Variants in ARHGAP12 observed in about 807,000 individuals in gnomAD.
The protein encoded by ARHGAP12 is Rho GTPase activating protein 12, also known as rho GTPase-activating protein 12.
Under a neutral mutation model 108.6 loss-of-function variants are expected in ARHGAP12, and 64 were observed. That is an observed-to-expected ratio of 0.59 (90% CI 0.48 to 0.73). The LOEUF (loss-of-function observed/expected upper bound fraction) is 0.73, where lower values mean the gene tolerates loss of function less well. Ranked by LOEUF, ARHGAP12 falls within the 30% of genes least tolerant of loss-of-function variation. ARHGAP12 has a pLI of 0.00. For missense variants in ARHGAP12, 940 were observed against 1,005.9 expected (o/e 0.93, Z 0.89); for synonymous variants, 312 against 337.2 (o/e 0.93, Z 0.82).
At chr10:31,915,707 TAC>T (rs1171400475) in intron 1 of ARHGAP12, among the ~76,000 whole-genome samples, 3 of 152,106 alleles carry the variant, frequency 2.0e-5, no homozygotes, top group Non-Finnish European at 2.9e-5. Context: ...ATAAAAAACA[TAC>T]AGTGTTATCA....
chr10:31,844,928 G>A (rs549180004), intron 6 of ARHGAP12, among the ~76,000 whole-genome samples: 3 of 152,146 alleles, frequency 2.0e-5, no homozygotes, highest in African/African-American at 7.2e-5. Flanking sequence ...AAAAAGTGAG[G>A]GAAGGGATAT....
chr10:31,895,225 C>T (rs1372284274), intron 3 of ARHGAP12, among the ~76,000 whole-genome samples: 1 of 152,186 alleles, frequency 6.6e-6, no homozygotes, highest in Admixed American at 6.5e-5. Flanking sequence ...AAAGCAATGG[C>T]AACAGAAGCC....
intron 13 of ARHGAP12, among the ~76,000 whole-genome samples, chr10:31,815,952 C>T (rs1835186077): frequency 6.6e-6 from 1 of 152,076 alleles, no homozygotes; most frequent in Non-Finnish European, 1.5e-5. Flanking sequence ...GAATTCGAGA[C>T]CAGCCGGGAC....
At chr10:31,916,411 C>T (rs906066002) in intron 1 of ARHGAP12, among the ~76,000 whole-genome samples, 5 of 152,008 alleles carry the variant, frequency 3.3e-5, no homozygotes, top group South Asian at 2.1e-4. Context: ...TTTCCTATCA[C>T]GCTATTTTTT....
In ARHGAP12 at chr10:31,908,158, A is replaced by G. The variant is rs771262168; in HGVS notation, c.684+14T>C. On this transcript the variant is annotated intron_variant, in intron 3 of 19. Coordinates refer to ENST00000344936, the MANE Select transcript of ARHGAP12 (RefSeq NM_018287.7). Reference sequence around the variant, plus strand: ...GGGTGGTACAGTGTTTCCTCATTCTATTTTTAATCTTACCCTTATCTGTTC... The same window carrying G: ...GGGTGGTACAGTGTTTCCTCATTCTGTTTTTAATCTTACCCTTATCTGTTC... 1.3e-6 allele frequency: 2 copies of G among 1,548,716 alleles called. No individual in the cohort carries two copies. Among genetic ancestry groups the G allele is most frequent in the African/African-American group, 2.8e-5 (2 of 72,400 alleles).
chr10:31,832,449 A>G (rs1337164148), intron 9 of ARHGAP12, among the ~76,000 whole-genome samples: 1 of 152,208 alleles, frequency 6.6e-6, no homozygotes, highest in South Asian at 2.1e-4. Flanking sequence ...ATCAAACCCT[A>G]TGAAGGCAGA....
rs749352212 is a variant in ARHGAP12, at chr10:31,812,863, A to G, written c.1835-40T>C. On this transcript the variant is annotated intron_variant, in intron 14 of 19. Coordinates refer to ENST00000344936, the MANE Select transcript of ARHGAP12 (RefSeq NM_018287.7). ...ACAGGTAATGAGCATTTGTAAAAAT[A>G]AAGTTTTTTTGATACAAGTTTTTCC... The G allele has an allele frequency of 7.1e-6, 9 of 1,273,382 alleles. 1 individual carries two copies. Among genetic ancestry groups the G allele is most frequent in the East Asian group, 2.4e-5 (1 of 41,948 alleles). The allele number at this position is 1,273,382 out of a possible 1,614,324, so 78.9% of individuals were successfully genotyped here.
intron 1 of ARHGAP12, among the ~76,000 whole-genome samples, chr10:31,918,315 T>TCACACACACACACA (rs58245483): frequency 2.1e-5 from 3 of 139,968 alleles, no homozygotes; most frequent in Admixed American, 7.2e-5. Context: ...ATTAGGGAAA[T>TCACACACACACACA]CACACACACA....
At chr10:31,856,935 C>T (rs1836907769) in intron 4 of ARHGAP12, among the ~76,000 whole-genome samples, 1 of 152,144 alleles carries the variant, frequency 6.6e-6, no homozygotes, top group Non-Finnish European at 1.5e-5. Flanking sequence ...AAGAATATTA[C>T]TTGACAACTG....
intron 4 of ARHGAP12, among the ~76,000 whole-genome samples, chr10:31,859,617 C>T (rs1837035517): frequency 6.6e-6 from 1 of 152,048 alleles, no homozygotes; most frequent in Non-Finnish European, 1.5e-5. Context: ...ATAGTCACTC[C>T]CATCTATTTA....
intron 13 of ARHGAP12, among the ~76,000 whole-genome samples, chr10:31,814,803 C>T (rs1260579251): frequency 3.3e-5 from 5 of 152,086 alleles, no homozygotes; most frequent in African/African-American, 1.2e-4. Flanking sequence ...TTCAGATTCA[C>T]GGTTGTCAAC....
intron 1 of ARHGAP12, among the ~76,000 whole-genome samples, chr10:31,915,180 G>T (rs1564432595): frequency 6.6e-6 from 1 of 152,058 alleles, no homozygotes; most frequent in Non-Finnish European, 1.5e-5. Context: ...TGAGGTCGGG[G>T]GTTCGAGACC....
intron 16 of ARHGAP12, among the ~76,000 whole-genome samples, chr10:31,810,326 T>A (rs1834969346): frequency 6.6e-6 from 1 of 152,140 alleles, no homozygotes; most frequent in South Asian, 2.1e-4. Context: ...CATTGTCAAA[T>A]TATTTCTTAA....
At chr10:31,918,354 C>CAT (rs1839650669) in intron 1 of ARHGAP12, among the ~76,000 whole-genome samples, 1 of 139,980 alleles carries the variant, frequency 7.1e-6, no homozygotes, top group East Asian at 1.9e-4. Context: ...CACACACACA[C>CAT]ACACACCAAT....
At chr10:31,835,292 C>A (rs1444310487) in intron 9 of ARHGAP12, among the ~76,000 whole-genome samples, 3 of 151,696 alleles carry the variant, frequency 2.0e-5, no homozygotes, top group Admixed American at 1.3e-4. Flanking sequence ...CAAAATCAAC[C>A]AATGTTTTTG....
At chr10:31,896,131 C>T (rs556815356) in intron 3 of ARHGAP12, among the ~76,000 whole-genome samples, 12 of 151,968 alleles carry the variant, frequency 7.9e-5, no homozygotes, top group African/African-American at 2.9e-4. Flanking sequence ...GGAGATATAC[C>T]TAACGTAAAT....
chr10:31,814,331 C>T lies in ARHGAP12; in HGVS notation c.1762G>A (p.Glu588Lys). 1 of 1,613,978 alleles carries T rather than the reference C, an allele frequency of 6.2e-7. No individual in the cohort carries two copies. The highest frequency in any genetic ancestry group is 8.5e-7 in the Non-Finnish European group (1 of 1,179,904). ...AVETDEGIEE[E>K]IPDSPGIEKH... ...TCTATTCCTGGTGAATCCGGTATCTCCTCTTCAATTCCTTCATCAGTTTCT... is the reference window on the plus strand; with the variant it reads ...TCTATTCCTGGTGAATCCGGTATCTTCTCTTCAATTCCTTCATCAGTTTCT... Residue 588 changes from glutamate (E) to lysine (K), a missense_variant, in exon 14 of 20, where the codon GAG (glutamate) becomes AAG (lysine). Coordinates refer to ENST00000344936, the MANE Select transcript of ARHGAP12 (RefSeq NM_018287.7).
chr10:31,862,696 G>GCACACACAGA (rs760660850), intron 3 of ARHGAP12, among the ~76,000 whole-genome samples: 3 of 122,180 alleles, frequency 2.5e-5, no homozygotes, highest in African/African-American at 6.0e-5. Flanking sequence ...AGTGGCGCAT[G>GCACACACAGA]CACACACAGA....
At chr10:31,865,551 T>G (rs1430368105) in intron 3 of ARHGAP12, among the ~76,000 whole-genome samples, 1 of 152,016 alleles carries the variant, frequency 6.6e-6, no homozygotes, top group Non-Finnish European at 1.5e-5. Context: ...TTGTTGGTTA[T>G]ATAAATTGGG....
Sources: gnomAD v4.1 joint callset for allele counts (sites outside exome capture counted in the v4.1 genomes callset) on GRCh38, gnomAD v4.1.1 for gene constraint, MANE v1.5 for transcripts, NCBI Gene and HGNC (gene_info 2026-07-23, HGNC 2026-07-21) for gene names.